The following LRRC43 variants were observed in gnomAD, a reference collection of about 807,000 sequenced individuals.
LRRC43 encodes leucine-rich repeat-containing protein 43.
In LRRC43, 62 loss-of-function variants were observed where a neutral mutation model predicts 64.3. The observed-to-expected ratio is 0.96, with a 90% CI of 0.79 to 1.19. The LOEUF (loss-of-function observed/expected upper bound fraction) is 1.19. Among genes scored for constraint, LRRC43 ranks in the 50% most tolerant of loss-of-function variants. The pLI, the probability that LRRC43 is intolerant of heterozygous loss-of-function variation, is 0.00. For missense variants in LRRC43, 868 were observed against 845.0 expected (o/e 1.03, Z -0.34); for synonymous variants, 422 against 382.3 (o/e 1.10, Z -1.21).
At chr12:122,173,798 G>A in intron 1 of LRRC43, 2 of 1,562,676 alleles carry the variant, frequency 1.3e-6, no homozygotes, top group Non-Finnish European at 8.8e-7. Flanking sequence ...GCAATGGAAG[G>A]CATTTTTAAG....
rs1156347048 is a variant in LRRC43, at chr12:122,200,866, C to T, written c.1741C>T (p.Leu581=). 2 of 1,613,086 alleles carry T rather than the reference C, an allele frequency of 1.2e-6. No individual in the cohort carries two copies. The highest frequency in any genetic ancestry group is 8.5e-7 in the Non-Finnish European group (1 of 1,179,872). The stretch of plus-strand genomic sequence containing the variant: ...GGAGCCCCTGCTCGCCGGGGAGCCC[C>T]TGGTGTCCACCGTGTGCAACTTCGG... ...ILEPLLAGEP[L]VSTVCNFGVV... is the part of the protein sequence containing the mutation. The change falls in exon 10 of 12, where the codon CTG becomes TTG. Residue 581 remains leucine, a synonymous_variant. Transcript: ENST00000339777. This position sits in a 1 kb window ranked among gnomAD's most constrained non-coding sequence, Gnocchi z 4.6.
chr12:122,192,176 C>A (rs542845615), intron 6 of LRRC43, among the ~76,000 whole-genome samples: 2 of 152,068 alleles, frequency 1.3e-5, no homozygotes, highest in African/African-American at 2.4e-5. Flanking sequence ...CTCGCTCTGT[C>A]GCTCAGGCTG....
At chr12:122,202,658 G>A (rs1037186898) in intron 11 of LRRC43, among the ~76,000 whole-genome samples, 2 of 152,134 alleles carry the variant, frequency 1.3e-5, no homozygotes, top group African/African-American at 4.8e-5. Context: ...CACATCATTA[G>A]AAAGGTCTTT....
chr12:122,191,927 G>A (rs1440047131), intron 6 of LRRC43, among the ~76,000 whole-genome samples: 2 of 152,002 alleles, frequency 1.3e-5, no homozygotes, highest in Non-Finnish European at 2.9e-5. Flanking sequence ...GATTACAGGT[G>A]TGAGCCACCG....
chr12:122,197,840 G>T (rs143192347), intron 7 of LRRC43, among the ~76,000 whole-genome samples: 1 of 152,050 alleles, frequency 6.6e-6, no homozygotes, highest in Admixed American at 6.6e-5. Flanking sequence ...TCACTTCTCC[G>T]GTAGATTGTT....
At chr12:122,201,236 C>G in intron 10 of LRRC43, 60 bp from the exon 11 acceptor site, 1 of 1,573,296 alleles carries the variant, frequency 6.4e-7, no homozygotes, top group Non-Finnish European at 8.7e-7. Flanking sequence ...CCCAGAGACA[C>G]CCCTTCTCTA....
chr12:122,182,336 C>T (rs1052097677), upstream of LRRC43, among the ~76,000 whole-genome samples: 31 of 151,974 alleles, frequency 2.0e-4, no homozygotes, highest in African/African-American at 7.5e-4. Context: ...CCAGCCTGGC[C>T]AACATGGTGA....
intron 6 of LRRC43, 126 bp from the exon 7 acceptor site, chr12:122,192,619 C>T (rs1468114919): frequency 1.7e-5 from 18 of 1,061,332 alleles, no homozygotes; most frequent in East Asian, 2.4e-5. Context: ...TGCCTCCTAG[C>T]GTGGTGTGTC....
chr12:122,200,781 C>G lies in LRRC43; in HGVS notation c.1656C>G (p.Pro552=). 6.2e-7 allele frequency: 1 copy of G among 1,612,894 alleles called. No individual in the cohort carries two copies. The highest frequency in any genetic ancestry group is 8.5e-7 in the Non-Finnish European group (1 of 1,180,018). Residue 552 remains proline (P), a synonymous_variant, in exon 10 of 12, where the codon CCC becomes CCG. Transcript: ENST00000339777. This position sits in a 1 kb window ranked among gnomAD's most constrained non-coding sequence, Gnocchi z 4.6. ...WKVLKKKKEP[P]KELRQDPPIL... ...TGCTGAAGAAGAAGAAAGAGCCGCC[C>G]AAGGAGCTCCGGCAGGACCCCCCCA...
In LRRC43 at chr12:122,189,288, C is replaced by G. The variant is rs996399298; in HGVS notation, c.663-842C>G. 2.4e-5 allele frequency: 9 copies of G among 375,948 alleles called. No individual in the cohort carries two copies. In the East Asian group the frequency reaches 5.9e-4, roughly 25 times the overall value. 23.3% of individuals were successfully genotyped at this position (375,948 alleles called of 1,614,324 possible). ...CCCCTCTCTCCTTCCCCCGAGGAAC[C>G]TGGAGGGCATGCCCTTGGGGGGTCC... On this transcript the variant is annotated intron_variant, in intron 4 of 11. Transcript: ENST00000339777.
chr12:122,189,117 T>C (rs1369302731), intron 4 of LRRC43, among the ~76,000 whole-genome samples: 3 of 151,984 alleles, frequency 2.0e-5, no homozygotes, highest in Non-Finnish European at 2.9e-5. Context: ...AAACTTAACA[T>C]CCTGGACCTG....
chr12:122,187,934 C>CT, intron 4 of LRRC43, 94 bp downstream of exon 4: 1 of 1,324,978 alleles, frequency 7.5e-7, no homozygotes, highest in South Asian at 1.3e-5. Context: ...CAGCTTTGGT[C>CT]TTTTTTGTAA....
rs200730400 is a variant in LRRC43, at chr12:122,173,556, T to C, written c.-406+5774T>C. 3.1e-4 allele frequency among the ~76,000 whole-genome samples: 47 copies of C among 152,142 alleles called. No homozygotes were observed. The East Asian group carries it at 7.7e-3, about 25-fold the overall frequency. ...AAAATTAGCTGGGCGTGGTGGCGCA[T>C]GCCTGTAGTCCCAGCTACTCGGGAG... is the stretch of plus-strand genomic sequence containing the variant. On this transcript the variant is annotated intron_variant, in intron 1 of 5. Coordinates refer to the LRRC43 transcript ENST00000537729.
upstream of LRRC43, among the ~76,000 whole-genome samples, chr12:122,181,400 G>A (rs1593142689): frequency 1.3e-5 from 2 of 149,472 alleles, no homozygotes; most frequent in African/African-American, 2.5e-5. Context: ...AAAATTAGCC[G>A]GGCTTGGTGG....
chr12:122,173,002 C>T (rs73419743), intron 1 of LRRC43, among the ~76,000 whole-genome samples: 6,793 of 152,244 alleles, frequency 0.045, 225 homozygotes, highest in African/African-American at 0.098. Flanking sequence ...CCCACTCTCA[C>T]GTGCTCAGGG....
At chr12:122,177,470 AGAG>A (rs1325210898) in intron 1 of LRRC43, among the ~76,000 whole-genome samples, 7 of 128,418 alleles carry the variant, frequency 5.5e-5, no homozygotes, top group Non-Finnish European at 8.4e-5. Context: ...ACTCTATGAG[AGAG>A]AAAGTGTGTG....
rs548647333 is a variant in LRRC43, at chr12:122,188,146, G to A, written c.662+306G>A. On this transcript the variant is annotated intron_variant, in intron 4 of 11. Transcript: ENST00000339777. ...TTTTGAGACAGCATCTCGCTTTGTC[G>A]CCCAGGCTGGAGCGCATTGGCGCCA... Among the ~76,000 whole-genome samples the A allele has an allele frequency of 4.0e-5, 6 of 151,854 alleles. No homozygotes were observed. The East Asian group carries it at 9.7e-4, about 25-fold the overall frequency.
chr12:122,179,743 C>T (rs991583469), upstream of LRRC43, among the ~76,000 whole-genome samples: 49 of 152,042 alleles, frequency 3.2e-4, no homozygotes, highest in African/African-American at 1.0e-3. Flanking sequence ...GAGGCCGAGG[C>T]GGGCGGATCA....
intron 10 of LRRC43, 98 bp from the exon 11 acceptor site, chr12:122,201,198 C>G: frequency 8.0e-7 from 1 of 1,249,022 alleles, no homozygotes; most frequent in Non-Finnish European, 1.2e-6. Context: ...CCTTCCTGGA[C>G]CTGTCAGAGC....
Sources: allele counts gnomAD v4.1 joint callset (sites outside exome capture counted in the v4.1 genomes callset), GRCh38; gene constraint gnomAD v4.1.1; non-coding constraint Gnocchi (gnomAD v3.1); transcripts MANE v1.5; gene names NCBI Gene and HGNC (gene_info 2026-07-23, HGNC 2026-07-21).